The following RASSF6 variants were observed in gnomAD, a reference collection of about 807,000 sequenced individuals.
The protein encoded by RASSF6 is Ras association domain family member 6, also known as ras association domain-containing protein 6.
Under a neutral mutation model 44.0 loss-of-function variants are expected in RASSF6, and 52 were observed. That is an observed-to-expected ratio of 1.18 (90% CI 0.95 to 1.49). RASSF6 has a LOEUF of 1.49. Ranked by LOEUF, RASSF6 falls within the 40% of genes most tolerant of loss-of-function variation. The pLI is 0.00. For synonymous variants in RASSF6, 162 were observed against 124.6 expected (o/e 1.30, Z -2.00); for missense variants, 464 against 393.3 (o/e 1.18, Z -1.52).
chr4:73,617,810 G>A (rs1331268120), intron 1 of RASSF6, among the ~76,000 whole-genome samples: 1 of 152,182 alleles, frequency 6.6e-6, no homozygotes, highest in African/African-American at 2.4e-5. Context: ...CTCTCTAACT[G>A]TAATGTGAAA....
chr4:73,585,634 G>A (rs1383981977), intron 5 of RASSF6, among the ~76,000 whole-genome samples: 1 of 150,632 alleles, frequency 6.6e-6, no homozygotes, highest in East Asian at 1.9e-4. Context: ...TGGGGTTTGG[G>A]CATTCCTTTA....
chr4:73,585,522 A>T (rs767223080), intron 5 of RASSF6, among the ~76,000 whole-genome samples, 158 bp from the exon 6 acceptor site: 2 of 152,090 alleles, frequency 1.3e-5, no homozygotes, highest in Non-Finnish European at 2.9e-5. Flanking sequence ...TTACTTATTA[A>T]ATGTTGCCTG....
intron 8 of RASSF6, among the ~76,000 whole-genome samples, chr4:73,580,913 A>T (rs916928290): frequency 6.9e-5 from 10 of 144,624 alleles, no homozygotes; most frequent in Non-Finnish European, 1.4e-4. Flanking sequence ...TTTTGTTGCC[A>T]TTGCTTTTGG....
At chr4:73,601,105 C>T (rs1725253184) in intron 2 of RASSF6, among the ~76,000 whole-genome samples, 1 of 152,166 alleles carries the variant, frequency 6.6e-6, no homozygotes, top group Non-Finnish European at 1.5e-5. Flanking sequence ...AAGTACATTA[C>T]ATAGTAGAGT....
Position 73,615,930 on chromosome 4 carries a change from G to A in RASSF6, c.-34-4101C>T, listed in dbSNP as rs746877340. ...CCAGAATGAGGCCAGAGGACAGGAA[G>A]TGAATTCTAGTACAAATTAAATCAA... On this transcript the variant is annotated intron_variant, in intron 1 of 10. Transcript: ENST00000307439. 7.1e-6 allele frequency: 11 copies of A among 1,550,152 alleles called. No homozygotes were observed. In the East Asian group the frequency reaches 1.2e-4, roughly 17 times the overall value.
At chr4:73,595,800 A>G (rs1376515966) in intron 3 of RASSF6, among the ~76,000 whole-genome samples, 2 of 152,168 alleles carry the variant, frequency 1.3e-5, no homozygotes, top group East Asian at 1.9e-4. Context: ...AATTCAGTAT[A>G]TTATTGAATT....
chr4:73,585,082 T>C, intron 6 of RASSF6, 98 bp downstream of exon 6: 7 of 800,290 alleles, frequency 8.7e-6, no homozygotes, highest in Non-Finnish European at 1.4e-5. Flanking sequence ...GCTACTGTTA[T>C]TATTATGACT....
intron 8 of RASSF6, among the ~76,000 whole-genome samples, chr4:73,578,991 C>G (rs1723431368): frequency 6.6e-6 from 1 of 152,158 alleles, no homozygotes; most frequent in Non-Finnish European, 1.5e-5. Flanking sequence ...ATTTATCACT[C>G]CATACCTTTC....
At chr4:73,590,380 A>G (rs1724449553) in intron 4 of RASSF6, among the ~76,000 whole-genome samples, 1 of 152,212 alleles carries the variant, frequency 6.6e-6, no homozygotes. Flanking sequence ...TACCCACTGC[A>G]GATATAAAAT....
intron 1 of RASSF6, among the ~76,000 whole-genome samples, 165 bp downstream of exon 1, chr4:73,620,123 A>G (rs1422174674): frequency 6.6e-6 from 1 of 152,006 alleles, no homozygotes; most frequent in African/African-American, 2.4e-5. Flanking sequence ...TTAGGAAAGC[A>G]TATTCTGAGA....
intron 5 of RASSF6, 109 bp downstream of exon 5, chr4:73,587,731 T>C: frequency 1.8e-6 from 1 of 565,852 alleles, no homozygotes; most frequent in Non-Finnish European, 3.1e-6. Context: ...AAAACAAGAG[T>C]TTATTGTGTA....
Position 73,576,288 on chromosome 4 carries a change from T to C in RASSF6, c.961A>G (p.Ile321Val). The C allele has an allele frequency of 1.3e-6, 2 of 1,563,096 alleles. No homozygotes were observed. Among genetic ancestry groups the C allele is most frequent in the Non-Finnish European group, 1.8e-6 (2 of 1,137,728 alleles). The change falls in exon 11 of 11, where the codon ATA (isoleucine) becomes GTA (valine). Residue 321 changes from isoleucine to valine, a missense_variant. Coordinates refer to ENST00000307439, the MANE Select transcript of RASSF6 (RefSeq NM_177532.5). ...AGTTTATTTTGAAGACATTTCAGTA[T>C]AATCGCCTTTTCTTTATTGAATCTG... ...VTKFNKEKAIILKCLQNKLVI... is the reference protein window; with the variant it reads ...VTKFNKEKAIVLKCLQNKLVI...
intron 1 of RASSF6, among the ~76,000 whole-genome samples, chr4:73,615,166 G>A (rs1425618551): frequency 3.0e-5 from 3 of 98,604 alleles, no homozygotes; most frequent in African/African-American, 4.0e-5. Context: ...GTGATAGAGT[G>A]TGACTCTGTC....
chr4:73,587,019 C>G (rs1384382726), intron 5 of RASSF6, among the ~76,000 whole-genome samples: 1 of 152,020 alleles, frequency 6.6e-6, no homozygotes, highest in Non-Finnish European at 1.5e-5. Context: ...ATCACAGCCC[C>G]ATTTCAGGCA....
At chr4:73,615,960 G>T (rs1192771160) in intron 1 of RASSF6, 8 of 1,544,022 alleles carry the variant, frequency 5.2e-6, no homozygotes, top group Middle Eastern at 1.7e-4. Context: ...AATCAAATGG[G>T]TCAGTCATTT....
intron 3 of RASSF6, among the ~76,000 whole-genome samples, chr4:73,594,160 CAGA>C (rs1724771466): frequency 6.6e-6 from 1 of 152,106 alleles, no homozygotes; most frequent in Non-Finnish European, 1.5e-5. Context: ...TGTAGTATAG[CAGA>C]AGAAGGAGAC....
At chr4:73,597,367 T>C (rs1725001628) in intron 3 of RASSF6, among the ~76,000 whole-genome samples, 1 of 152,116 alleles carries the variant, frequency 6.6e-6, no homozygotes, top group Non-Finnish European at 1.5e-5. Flanking sequence ...AGCAATCATA[T>C]GAAAAAGCTC....
chr4:73,581,823 T>C lies in RASSF6; in HGVS notation c.715A>G (p.Thr239Ala), dbSNP rs1723669195. 1 of 1,608,590 alleles carries C rather than the reference T, an allele frequency of 6.2e-7. No homozygotes were observed. Among genetic ancestry groups the C allele is most frequent in the Admixed American group, 1.7e-5 (1 of 59,880 alleles). ...QDFALHIIFA[T>A]GEQRRLKKTD... ...TGTGATCAAGCTTTCTTACCTCCTG[T>C]TGCAAAAATAATGTGAAGAGCAAAA... is the stretch of plus-strand genomic sequence containing the variant. The change falls in exon 8 of 11, where the codon ACA (threonine) becomes GCA (alanine). Residue 239 changes from threonine to alanine, a missense_variant. Physicochemically the swap from Thr to Ala is moderately conservative, Grantham distance 58. Transcript: ENST00000307439.
intron 6 of RASSF6, among the ~76,000 whole-genome samples, chr4:73,584,304 G>A (rs1386551973): frequency 1.3e-5 from 2 of 152,098 alleles, no homozygotes; most frequent in Non-Finnish European, 2.9e-5. Context: ...AAAGGCCTCA[G>A]AAGATACCTG....
Sources: allele counts gnomAD v4.1 joint callset (sites outside exome capture counted in the v4.1 genomes callset), GRCh38; gene constraint gnomAD v4.1.1; transcripts MANE v1.5; gene names NCBI Gene and HGNC (gene_info 2026-07-23, HGNC 2026-07-21).